EFCC1: variants seen among roughly 807,000 people sequenced by gnomAD.
The protein encoded by EFCC1 is EF-hand and coiled-coil domain containing 1.
In EFCC1, 50 loss-of-function variants were observed where a neutral mutation model predicts 52.1. That is an observed-to-expected ratio of 0.96 (90% CI 0.76 to 1.21). EFCC1 has a LOEUF of 1.21. EFCC1 is among the 50% of genes most tolerant of loss of function. EFCC1 has a pLI of 0.00. For missense variants in EFCC1, 837 were observed against 867.3 expected, an observed-to-expected ratio of 0.97 and a Z score of 0.44; for synonymous variants, 399 against 396.5, an observed-to-expected ratio of 1.01 and a Z score of -0.08.
At chr3:129,009,175 G>A (rs1260019803) in intron 2 of EFCC1, among the ~76,000 whole-genome samples, 1 of 152,160 alleles carries the variant, frequency 6.6e-6, no homozygotes, top group Non-Finnish European at 1.5e-5. Flanking sequence ...TCTCTCCTCT[G>A]TTTTCTCTCT....
At chr3:129,003,401 G>C (rs1209426361) in intron 1 of EFCC1, 1 of 547,774 alleles carries the variant, frequency 1.8e-6, no homozygotes, top group Non-Finnish European at 2.3e-6. Flanking sequence ...CACGGGGAGG[G>C]CTGGAAATGC....
At position 129,002,182 on chromosome 3, in the gene EFCC1, C is replaced by A. The variant is rs993155540; in HGVS notation, c.554C>A (p.Pro185Gln). The A allele has an allele frequency of 6.7e-6, 10 of 1,491,226 alleles. No homozygotes were observed. In the East Asian group the frequency reaches 1.9e-4, roughly 28 times the overall value. 92.4% of individuals were successfully genotyped at this position (1,491,226 alleles called of 1,614,324 possible). A position where few individuals can be genotyped will look rare whatever the true frequency, so the allele number is the denominator to read the frequency against. Reference sequence around the variant, plus strand: ...CGCCGTCCGCGCCGCCGCCGCCGCCCGCCCTGCGCGCCTGGCCCCGACAGC... The same window carrying A: ...CGCCGTCCGCGCCGCCGCCGCCGCCAGCCCTGCGCGCCTGGCCCCGACAGC... ...RLRRPRRRRRPPCAPGPDSGP... is the reference protein window; with the variant it reads ...RLRRPRRRRRQPCAPGPDSGP... Residue 185 changes from proline to glutamine, a missense_variant, in exon 1 of 8, where the codon CCG becomes CAG. Transcript: ENST00000683648.
intron 2 of EFCC1, among the ~76,000 whole-genome samples, chr3:129,027,827 G>A (rs1254509987): frequency 4.6e-5 from 7 of 152,100 alleles, no homozygotes; most frequent in East Asian, 2.0e-4. Context: ...GGTGGCGGGC[G>A]CCTGTAGTCC....
chr3:129,015,304 A>G (rs138258977), intron 2 of EFCC1, among the ~76,000 whole-genome samples: 133 of 150,748 alleles, frequency 8.8e-4, no homozygotes, highest in African/African-American at 2.4e-3. Context: ...CCAGACCCCA[A>G]CTCTTTAGGG....
chr3:129,005,692 G>C (rs977527230), intron 2 of EFCC1, among the ~76,000 whole-genome samples: 12 of 152,210 alleles, frequency 7.9e-5, no homozygotes, highest in African/African-American at 2.7e-4. Flanking sequence ...GCAGCCAGAA[G>C]GGGTGGCCTT....
chr3:129,015,650 C>T (rs973184225), intron 2 of EFCC1, among the ~76,000 whole-genome samples: 3 of 152,090 alleles, frequency 2.0e-5, no homozygotes, highest in African/African-American at 7.2e-5. Flanking sequence ...CCACCGCCAT[C>T]CCCTGCTCAG....
intron 2 of EFCC1, among the ~76,000 whole-genome samples, chr3:129,026,316 TC>T (rs1436572682): frequency 6.6e-6 from 1 of 151,948 alleles, no homozygotes; most frequent in African/African-American, 2.4e-5. Context: ...AAGCTGTCCC[TC>T]CATCTCATTT....
In EFCC1 at chr3:129,002,224, G is replaced by A. The variant is rs1419737790; in HGVS notation, c.596G>A (p.Arg199His). 7.8e-6 allele frequency: 12 copies of A among 1,528,744 alleles called. No homozygotes were observed. The Admixed American group carries it at 2.4e-4, about 30-fold the overall frequency. 94.7% of individuals were successfully genotyped at this position (1,528,744 alleles called of 1,614,324 possible). The change falls in exon 1 of 8, where the codon CGC (arginine) becomes CAC (histidine). Residue 199 changes from arginine (R) to histidine (H), a missense_variant. Arg to His is a conservative substitution (Grantham distance 29, BLOSUM62 0). Coordinates refer to ENST00000683648, the MANE Select transcript of EFCC1 (RefSeq NM_001377500.1). ...CCCGACAGCGGTCCTGACTGTGAGC[G>A]CGTTGCGCGGCTGGAGGAGGAGAAT... ...PGPDSGPDCE[R>H]VARLEEENSS...
intron 2 of EFCC1, among the ~76,000 whole-genome samples, chr3:129,012,482 A>G (rs1945373521): frequency 6.6e-6 from 1 of 152,108 alleles, no homozygotes; most frequent in South Asian, 2.1e-4. Context: ...ACATGGCTGC[A>G]GGGACCCCAG....
intron 2 of EFCC1, among the ~76,000 whole-genome samples, chr3:129,027,127 C>A (rs1946140311): frequency 1.3e-5 from 2 of 151,838 alleles, no homozygotes; most frequent in African/African-American, 4.9e-5. Flanking sequence ...AGGCAGTCAG[C>A]GAAACGCCGG....
chr3:129,028,817 A>G (rs753465617), intron 2 of EFCC1, among the ~76,000 whole-genome samples: 7 of 151,302 alleles, frequency 4.6e-5, no homozygotes, highest in Non-Finnish European at 1.0e-4. Flanking sequence ...TAATGTTTCT[A>G]TTTTTAGTAG....
intron 2 of EFCC1, among the ~76,000 whole-genome samples, chr3:129,015,342 C>T (rs1357091120): frequency 6.6e-6 from 1 of 152,194 alleles, no homozygotes; most frequent in Non-Finnish European, 1.5e-5. Flanking sequence ...ACAGCCTCTT[C>T]CTAACGTCTT....
intron 2 of EFCC1, among the ~76,000 whole-genome samples, chr3:129,022,780 C>T (rs542451560): frequency 6.6e-6 from 1 of 152,316 alleles, no homozygotes; most frequent in African/African-American, 2.4e-5. Flanking sequence ...TCACAGAAGG[C>T]CCCCAGACCA....
At chr3:129,036,710 T>C (rs1946357923) in intron 5 of EFCC1, among the ~76,000 whole-genome samples, 1 of 152,266 alleles carries the variant, frequency 6.6e-6, no homozygotes, top group Non-Finnish European at 1.5e-5. Flanking sequence ...CTGTGTAAGC[T>C]AGCCAGATTG....
chr3:129,003,160 G>C (rs917530842), intron 1 of EFCC1: 1 of 916,304 alleles, frequency 1.1e-6, no homozygotes, highest in African/African-American at 1.8e-5. Context: ...GCAAGGTGTG[G>C]TTTTCAGTGT....
chr3:129,002,255 C>T lies in EFCC1; in HGVS notation c.627C>T (p.Ser209=). The change falls in exon 1 of 8, where the codon AGC becomes AGT. Residue 209 remains serine, a synonymous_variant. Coordinates refer to ENST00000683648, the MANE Select transcript of EFCC1 (RefSeq NM_001377500.1). ...RVARLEEENS[S]LRELVEDLRA... ...CGCGGCTGGAGGAGGAGAATAGCAG[C>T]TTGCGCGAGTTGGTGGAGGACCTGC... is the stretch of plus-strand genomic sequence containing the variant. The T allele has an allele frequency of 6.5e-7, 1 of 1,531,390 alleles. No homozygotes were observed. Among genetic ancestry groups the T allele is most frequent in the Non-Finnish European group, 8.7e-7 (1 of 1,144,896 alleles). The allele number at this position is 1,531,390 out of a possible 1,614,324, so 94.9% of individuals were successfully genotyped here.
In EFCC1 at chr3:129,001,611, G is replaced by T. The variant is rs72977188; in HGVS notation, c.-18G>T. The T allele has an allele frequency of 7.4e-7, 1 of 1,354,926 alleles. No individual in the cohort carries two copies. Among genetic ancestry groups the T allele is most frequent in the Non-Finnish European group, 9.4e-7 (1 of 1,060,244 alleles). 83.9% of individuals were successfully genotyped at this position (1,354,926 alleles called of 1,614,324 possible). A position where few individuals can be genotyped will look rare whatever the true frequency, so the allele number is the denominator to read the frequency against. On this transcript the variant is annotated 5_prime_UTR_variant, in exon 1 of 8. Transcript: ENST00000683648. ...GGACCGGAGGAGGGACCGGAGGAGC[G>T]AGGCGCGCGGCGCAGCGATGGAGCC...
chr3:129,003,873 A>C lies in EFCC1; in HGVS notation c.776A>C (p.Gln259Pro), dbSNP rs957636622. The C allele has an allele frequency of 1.2e-5, 17 of 1,421,148 alleles. No individual in the cohort carries two copies. Among genetic ancestry groups the C allele is most frequent in the Admixed American group, 2.8e-5 (1 of 35,872 alleles). The allele number at this position is 1,421,148 out of a possible 1,614,324, so 88.0% of individuals were successfully genotyped here. ...GPEAAVRELR[Q>P]AQGALAAAEA... ...GAGGCTGCGGTGCGGGAGCTGCGTC[A>C]GGCGCAGGGCGCCCTGGCTGCGGCG... The change falls in exon 2 of 8, where the codon CAG becomes CCG. Residue 259 changes from glutamine (Q) to proline (P), a missense_variant. Transcript: ENST00000683648.
chr3:129,013,993 C>T (rs920134499), intron 2 of EFCC1, among the ~76,000 whole-genome samples: 6 of 152,176 alleles, frequency 3.9e-5, no homozygotes, highest in African/African-American at 7.2e-5. Context: ...CCGGAGAGGA[C>T]CGAGGTGACT....
Sources: gnomAD v4.1 joint callset for allele counts (sites outside exome capture counted in the v4.1 genomes callset) on GRCh38, gnomAD v4.1.1 for gene constraint, MANE v1.5 for transcripts, NCBI Gene and HGNC (gene_info 2026-07-23, HGNC 2026-07-21) for gene names.